The following ZNF674 variants were observed in gnomAD, a reference collection of about 807,000 sequenced individuals.
ZNF674 encodes zinc finger family member 674.
Under a neutral mutation model 7.0 loss-of-function variants are expected in ZNF674, and 2 were observed. The observed-to-expected ratio is 0.29, with a 90% CI of 0.12 to 0.90. The LOEUF is 0.90. Ranked by LOEUF, ZNF674 falls within the 40% of genes least tolerant of loss-of-function variation. ZNF674 has a pLI of 0.57. For missense variants in ZNF674, 297 were observed against 415.5 expected, an observed-to-expected ratio of 0.71 and a Z score of 2.48; for synonymous variants, 103 against 145.2, an observed-to-expected ratio of 0.71 and a Z score of 2.09.
intron 3 of ZNF674, among the ~76,000 whole-genome samples, chrX:46,531,551 A>G (rs1602082360): frequency 9.0e-6 from 1 of 111,401 alleles, no homozygotes; most frequent in African/African-American, 3.3e-5. Flanking sequence ...ATGACTTGGT[A>G]TTTGGGTAAA....
intron 5 of ZNF674, among the ~76,000 whole-genome samples, chrX:46,508,902 A>G (rs1340235776): frequency 9.0e-6 from 1 of 111,282 alleles, no homozygotes; most frequent in Non-Finnish European, 1.9e-5. Context: ...CAATCATGTC[A>G]TCTGCAAACA....
intron 5 of ZNF674, among the ~76,000 whole-genome samples, chrX:46,502,682 A>T (rs995618318): frequency 8.9e-6 from 1 of 112,145 alleles, no homozygotes; most frequent in Non-Finnish European, 1.9e-5. Flanking sequence ...ATGTTGGTGC[A>T]TCTTTGATAC....
chrX:46,504,049 TAC>T (rs112855272), intron 5 of ZNF674, among the ~76,000 whole-genome samples: 1,104 of 109,889 alleles, frequency 0.01, 8 homozygotes, highest in African/African-American at 0.034. Context: ...AAAAAAAAAA[TAC>T]ACACATGTGC....
At chrX:46,510,963 CAG>C (rs942164895) in intron 5 of ZNF674, among the ~76,000 whole-genome samples, 3 of 111,809 alleles carry the variant, frequency 2.7e-5, no homozygotes, top group African/African-American at 9.7e-5. Flanking sequence ...ATATATAAAA[CAG>C]GGATAACAAC....
chrX:46,525,387 G>A (rs759228511), intron 5 of ZNF674: 1 of 215,466 alleles, frequency 4.6e-6, no homozygotes. Context: ...CAGATCACCT[G>A]AGGCTGGGAG....
chrX:46,537,797 T>C (rs1049729639), intron 3 of ZNF674, among the ~76,000 whole-genome samples: 4 of 112,368 alleles, frequency 3.6e-5, no homozygotes, highest in South Asian at 3.6e-4. Context: ...ATTAAAAATG[T>C]TTCTTGCAGG....
intron 5 of ZNF674, among the ~76,000 whole-genome samples, chrX:46,521,894 A>G (rs1054424276): frequency 7.5e-5 from 7 of 93,837 alleles, no homozygotes; most frequent in Non-Finnish European, 2.3e-5. Flanking sequence ...GTCTCAAAAA[A>G]AAAGAAAAGA....
At chrX:46,532,649 T>C (rs1324962559) in intron 3 of ZNF674, among the ~76,000 whole-genome samples, 1 of 111,951 alleles carries the variant, frequency 8.9e-6, no homozygotes, top group Non-Finnish European at 1.9e-5. Context: ...AACCAACCCC[T>C]ATCTTGCCTT....
intron 3 of ZNF674, among the ~76,000 whole-genome samples, chrX:46,530,890 A>G (rs948534533): frequency 8.9e-6 from 1 of 111,922 alleles, no homozygotes; most frequent in Non-Finnish European, 1.9e-5. Flanking sequence ...CCAAGGGCCA[A>G]TGATGATCAT....
intron 5 of ZNF674, among the ~76,000 whole-genome samples, chrX:46,502,912 T>C (rs1159789823): frequency 8.9e-6 from 1 of 112,457 alleles, no homozygotes; most frequent in African/African-American, 3.2e-5. Context: ...GTTCCATGAA[T>C]TTCTCTAGAG....
chrX:46,533,160 C>T (rs1374433599), intron 3 of ZNF674, among the ~76,000 whole-genome samples: 1 of 111,503 alleles, frequency 9.0e-6, no homozygotes, highest in African/African-American at 3.3e-5. Context: ...ATTATAGAAC[C>T]TAAGATTGGC....
At chrX:46,541,933 G>T in intron 3 of ZNF674, 140 bp downstream of exon 3, 1 of 527,953 alleles carries the variant, frequency 1.9e-6, no homozygotes, top group South Asian at 3.0e-5. Flanking sequence ...GGAAGGATTA[G>T]AGAAACCAGA....
At chrX:46,536,178 G>T (rs1343789075) in intron 3 of ZNF674, among the ~76,000 whole-genome samples, 1 of 111,929 alleles carries the variant, frequency 8.9e-6, no homozygotes, top group Non-Finnish European at 1.9e-5. Flanking sequence ...AGCTCTAAAA[G>T]GTCTGGCACA....
intron 3 of ZNF674, 81 bp downstream of exon 3, chrX:46,541,992 G>A (rs928306046): frequency 2.4e-6 from 2 of 847,559 alleles, no homozygotes; most frequent in Non-Finnish European, 3.5e-6. Context: ...GGGGATAATT[G>A]GTATTTTCAA....
At chrX:46,540,243 C>CAA (rs1192310748) in intron 3 of ZNF674, among the ~76,000 whole-genome samples, 1 of 79,981 alleles carries the variant, frequency 1.3e-5, no homozygotes, top group Non-Finnish European at 2.5e-5. Context: ...GACTCTGTCT[C>CAA]AAAAAAAAAA....
intron 5 of ZNF674, among the ~76,000 whole-genome samples, chrX:46,515,857 C>G (rs765336578): frequency 6.3e-5 from 7 of 111,113 alleles, no homozygotes; most frequent in African/African-American, 2.0e-4. Flanking sequence ...CAATCCCCCC[C>G]ACCTCAGCCT....
At chrX:46,502,238 G>A (rs1249687257) in intron 5 of ZNF674, among the ~76,000 whole-genome samples, 7 of 103,615 alleles carry the variant, frequency 6.8e-5, no homozygotes, top group East Asian at 6.1e-4. Context: ...GCTGGGAGGC[G>A]GAGGTTGCAG....
At chrX:46,542,482 G>C (rs950918949) in intron 2 of ZNF674, among the ~76,000 whole-genome samples, 1 of 111,889 alleles carries the variant, frequency 8.9e-6, no homozygotes, top group Non-Finnish European at 1.9e-5. Flanking sequence ...GGCGCTGAAG[G>C]AGGATTGATT....
At chrX:46,516,106 CAG>C (rs1941759631) in intron 5 of ZNF674, among the ~76,000 whole-genome samples, 1 of 111,689 alleles carries the variant, frequency 9.0e-6, no homozygotes, top group Non-Finnish European at 1.9e-5. Context: ...AGCAGAAAGA[CAG>C]AAATAAAAAA....
Sources: allele counts gnomAD v4.1 joint callset (sites outside exome capture counted in the v4.1 genomes callset), GRCh38; gene constraint gnomAD v4.1.1; transcripts MANE v1.5; gene names NCBI Gene and HGNC (gene_info 2026-07-23, HGNC 2026-07-21).